Variants in CACNB2 observed in about 807,000 individuals in gnomAD.
CACNB2 encodes voltage-dependent L-type calcium channel subunit beta-2.
A neutral mutation model predicts 73.3 loss-of-function variants in CACNB2; 42 were observed. That is an observed-to-expected ratio of 0.57 (90% confidence interval 0.45 to 0.74). The LOEUF (loss-of-function observed/expected upper bound fraction) is 0.74, where lower values mean the gene tolerates loss of function less well. Ranked by LOEUF, CACNB2 falls within the 30% of genes least tolerant of loss-of-function variation. CACNB2 has a pLI of 0.00. For missense variants in CACNB2, 940 were observed against 853.0 expected, an observed-to-expected ratio of 1.10 and a Z score of -1.27; for synonymous variants, 348 against 310.3, an observed-to-expected ratio of 1.12 and a Z score of -1.28.
chr10:18,250,100 C>T (rs972551413), intron 2 of CACNB2, among the ~76,000 whole-genome samples: 3 of 152,186 alleles, frequency 2.0e-5, no homozygotes, highest in Non-Finnish European at 4.4e-5. Context: ...CTCAAGGTGT[C>T]CTCGCACGAA....
At chr10:18,401,162 C>T in intron 2 of CACNB2, 1 of 1,589,902 alleles carries the variant, frequency 6.3e-7, no homozygotes, top group Non-Finnish European at 8.6e-7. Context: ...TCTGTTGTTG[C>T]AGTGAGTGCA....
rs1468060338 is a variant in CACNB2, at chr10:18,540,008, G to T, written c.*284G>T. On this transcript the variant is annotated 3_prime_UTR_variant, in exon 14 of 14. Transcript: ENST00000324631. Reference sequence around the variant, plus strand: ...GGTAGCTGCCACTTGAACAAAATCTGTTGCCACCCAGGTGATGTTAGTGTT... The same window carrying T: ...GGTAGCTGCCACTTGAACAAAATCTTTTGCCACCCAGGTGATGTTAGTGTT... 5 of 352,476 alleles carry T rather than the reference G, an allele frequency of 1.4e-5. No individual in the cohort carries two copies. The highest frequency in any genetic ancestry group is 8.3e-5 in the African/African-American group (4 of 47,916). 21.8% of individuals were successfully genotyped at this position (352,476 alleles called of 1,614,324 possible).
chr10:18,310,781 C>A (rs1045076580), intron 2 of CACNB2, among the ~76,000 whole-genome samples: 7 of 151,596 alleles, frequency 4.6e-5, no homozygotes, highest in Non-Finnish European at 5.9e-5. Flanking sequence ...TGGGGTTTCA[C>A]CACATTGGCC....
chr10:18,277,315 A>G (rs903716555), intron 2 of CACNB2, among the ~76,000 whole-genome samples: 1 of 152,244 alleles, frequency 6.6e-6, no homozygotes, highest in Non-Finnish European at 1.5e-5. Context: ...TGTTGTGTTC[A>G]TGGCAGAACA....
intron 2 of CACNB2, among the ~76,000 whole-genome samples, chr10:18,172,245 T>A (rs2033294785): frequency 6.6e-6 from 1 of 152,172 alleles, no homozygotes; most frequent in Non-Finnish European, 1.5e-5. Context: ...GTGCCTGTAG[T>A]CCCAGCTACT....
intron 3 of CACNB2, among the ~76,000 whole-genome samples, chr10:18,453,693 G>C (rs913741986): frequency 6.6e-6 from 1 of 152,188 alleles, no homozygotes; most frequent in African/African-American, 2.4e-5. Flanking sequence ...GCAGTGGCGC[G>C]ATCTCGGCTG....
intron 2 of CACNB2, among the ~76,000 whole-genome samples, chr10:18,199,242 T>C (rs949570565): frequency 6.6e-6 from 1 of 152,160 alleles, no homozygotes; most frequent in African/African-American, 2.4e-5. Flanking sequence ...GTTCTAGAAA[T>C]TGCAACAAAG....
intron 2 of CACNB2, among the ~76,000 whole-genome samples, chr10:18,156,748 G>A (rs771515753): frequency 1.3e-5 from 2 of 152,126 alleles, no homozygotes; most frequent in African/African-American, 2.4e-5. Context: ...TTAACTGTGG[G>A]CTGGGCGTGG....
chr10:18,459,236 C>G (rs2047438823), intron 3 of CACNB2, among the ~76,000 whole-genome samples: 1 of 152,184 alleles, frequency 6.6e-6, no homozygotes, highest in African/African-American at 2.4e-5. Flanking sequence ...ACATTAAAAT[C>G]TCATGTCCTA....
intron 2 of CACNB2, among the ~76,000 whole-genome samples, chr10:18,313,979 C>G (rs1270623150): frequency 6.6e-6 from 1 of 152,234 alleles, no homozygotes; most frequent in Non-Finnish European, 1.5e-5. Context: ...AGAAAACACA[C>G]TAAAGGCTTC....
chr10:18,390,254 C>T (rs767077817), intron 2 of CACNB2, among the ~76,000 whole-genome samples: 36 of 152,198 alleles, frequency 2.4e-4, no homozygotes, highest in Non-Finnish European at 4.3e-4. Context: ...ACTCCTTCGC[C>T]CAGGCTGGAG....
At chr10:18,282,267 T>G (rs2038585775) in intron 2 of CACNB2, among the ~76,000 whole-genome samples, 1 of 152,082 alleles carries the variant, frequency 6.6e-6, no homozygotes, top group Non-Finnish European at 1.5e-5. Flanking sequence ...TGGCTTAGGT[T>G]TGAGGTAGCA....
At chr10:18,333,789 A>T (rs759624701) in intron 2 of CACNB2, among the ~76,000 whole-genome samples, 1 of 152,206 alleles carries the variant, frequency 6.6e-6, no homozygotes, top group Non-Finnish European at 1.5e-5. Flanking sequence ...TTTTTTCACA[A>T]TCCTCTATGG....
intron 3 of CACNB2, among the ~76,000 whole-genome samples, chr10:18,482,816 G>A (rs1252683281): frequency 6.6e-6 from 1 of 151,802 alleles, no homozygotes; most frequent in Non-Finnish European, 1.5e-5. Flanking sequence ...CAGGCCTGGG[G>A]TATCTTTATT....
intron 3 of CACNB2, among the ~76,000 whole-genome samples, chr10:18,450,444 A>G (rs1477109532): frequency 6.6e-6 from 1 of 152,016 alleles, no homozygotes; most frequent in African/African-American, 2.4e-5. Context: ...TAATGTCGAA[A>G]CAGTGTGATG....
rs1313189652 is a variant in CACNB2, at chr10:18,540,328, T to TATA, written c.*605_*607dup. Reference sequence around the variant, plus strand: ...TGCAAACAAACACCTTCTTATTATATATATAATATATATATATATCAGTTT... The same window carrying TATA: ...TGCAAACAAACACCTTCTTATTATATATAATATAATATATATATATATCAGTTT... On this transcript the variant is annotated 3_prime_UTR_variant, in exon 14 of 14. Coordinates refer to ENST00000324631, the MANE Select transcript of CACNB2 (RefSeq NM_201596.3). 1 of 149,930 alleles carries TATA rather than the reference T, an allele frequency of 6.7e-6. No homozygotes were observed. Among genetic ancestry groups the TATA allele is most frequent in the Admixed American group, 6.6e-5 (1 of 15,116 alleles). 9.3% of individuals were successfully genotyped at this position (149,930 alleles called of 1,614,324 possible). A position where few individuals can be genotyped will look rare whatever the true frequency, so the allele number is the denominator to read the frequency against.
At chr10:18,398,697 A>G (rs1207153220) in intron 2 of CACNB2, among the ~76,000 whole-genome samples, 1 of 146,428 alleles carries the variant, frequency 6.8e-6, no homozygotes, top group African/African-American at 2.6e-5. Context: ...ACACATACAC[A>G]CACACACACA....
intron 2 of CACNB2, among the ~76,000 whole-genome samples, chr10:18,258,943 A>G (rs958948146): frequency 6.6e-6 from 1 of 151,894 alleles, no homozygotes; most frequent in Non-Finnish European, 1.5e-5. Flanking sequence ...AGTGTAATTC[A>G]GAAATTTTGT....
chr10:18,187,872 T>C (rs1298814950), intron 2 of CACNB2, among the ~76,000 whole-genome samples: 2 of 152,194 alleles, frequency 1.3e-5, no homozygotes, highest in African/African-American at 2.4e-5. Context: ...TTCAAAATGT[T>C]TCTGCCTTTT....
Sources: gnomAD v4.1 joint callset for allele counts (sites outside exome capture counted in the v4.1 genomes callset) on GRCh38, gnomAD v4.1.1 for gene constraint, MANE v1.5 for transcripts, NCBI Gene and HGNC (gene_info 2026-07-23, HGNC 2026-07-21) for gene names.